The following IFI27 variants were observed in gnomAD, a reference collection of about 807,000 sequenced individuals.
IFI27 encodes interferon alpha-inducible protein 27, mitochondrial.
In IFI27, 3 loss-of-function variants were observed where a neutral mutation model predicts 8.9. The ratio of observed to expected loss-of-function variants is 0.34; its 90% CI spans 0.15 to 0.87. The LOEUF is 0.87. Among genes scored for constraint, IFI27 ranks in the 40% least tolerant of loss-of-function variants. The pLI, the probability that IFI27 is intolerant of heterozygous loss-of-function variation, is 0.51. For synonymous variants in IFI27, 66 were observed against 67.3 expected, an observed-to-expected ratio of 0.98 and a Z score of 0.09; for missense variants, 152 against 157.7, an observed-to-expected ratio of 0.96 and a Z score of 0.19.
chr14:94,114,965 G>A, intron 3 of IFI27, 85 bp downstream of exon 3: 1 of 1,280,662 alleles, frequency 7.8e-7, no homozygotes, highest in Non-Finnish European at 1.1e-6. Flanking sequence ...CCATGCCAAT[G>A]TTTCCCTCAC....
rs969910387 is a variant in IFI27, at chr14:94,115,501, C to T, written c.122-280C>T. The T allele has an allele frequency of 6.6e-5, 40 of 604,122 alleles. 1 individual carries two copies. Among genetic ancestry groups the T allele is most frequent in the Non-Finnish European group, 1.1e-4 (37 of 337,338 alleles). 37.4% of individuals were successfully genotyped at this position (604,122 alleles called of 1,614,324 possible). ...GTCCAGCATTTGGCCAAGGCAGACA[C>T]TGAGGCTCTGAGGACAAGTGGCTTT... On this transcript the variant is annotated intron_variant, in intron 3 of 4. Coordinates refer to ENST00000621160, the Ensembl canonical transcript of IFI27.
chr14:94,107,162 C>T (rs1055946740), upstream of IFI27, among the ~76,000 whole-genome samples: 3 of 152,044 alleles, frequency 2.0e-5, no homozygotes, highest in Admixed American at 6.6e-5. Context: ...CTCTGCCTCC[C>T]GGGTTCAAGC....
chr14:94,114,999 G>A, intron 3 of IFI27, 119 bp downstream of exon 3: 1 of 886,908 alleles, frequency 1.1e-6, no homozygotes, highest in Admixed American at 1.9e-5. Flanking sequence ...GGAGGAGGTG[G>A]GGATGAGGGG....
upstream of IFI27, among the ~76,000 whole-genome samples, chr14:94,110,122 GTGGCCTCCACC>G (rs1275143739): frequency 1.3e-5 from 2 of 152,238 alleles, no homozygotes; most frequent in African/African-American, 2.4e-5. Flanking sequence ...TGCCACTGCT[GTGGCCTCCACC>G]TGGAATGACT....
Position 94,116,455 on chromosome 14 carries a change from C to G in IFI27, c.297C>G (p.Leu99=), listed in dbSNP as rs1045113766. The change falls in exon 5 of 5, where the codon CTC becomes CTG. Residue 99 remains leucine, a synonymous_variant. Transcript: ENST00000621160. The surrounding 1 kb of genome is among the most constrained non-coding windows in gnomAD (Gnocchi z 4.3). ...GCTTCTTCCCAGGAGCAACTGGACT[C>G]TCCGGATTGACCAAGTTCATCCTGG... 1.9e-6 allele frequency: 3 copies of G among 1,612,574 alleles called. No individual in the cohort carries two copies. In the African/African-American group the frequency reaches 4.0e-5, roughly 22 times the overall value.
At chr14:94,115,266 T>G (rs997525587) in intron 3 of IFI27, 3 of 553,758 alleles carry the variant, frequency 5.4e-6, no homozygotes, top group Non-Finnish European at 1.0e-5. Context: ...CAATAGAGAT[T>G]GAACACAGTA....
chr14:94,108,671 C>T (rs117582757), upstream of IFI27, among the ~76,000 whole-genome samples: 1 of 151,966 alleles, frequency 6.6e-6, no homozygotes, highest in African/African-American at 2.4e-5. Context: ...ACCTGCTGGA[C>T]CCCTGAATAG....
upstream of IFI27, among the ~76,000 whole-genome samples, chr14:94,106,606 A>G (rs1887018554): frequency 6.6e-6 from 1 of 152,160 alleles, no homozygotes; most frequent in African/African-American, 2.4e-5. Context: ...CCATTTGTAT[A>G]TCATATTAGT....
At position 94,111,266 on chromosome 14, in the gene IFI27, G is replaced by T. The variant is rs960510254; in HGVS notation, c.-58-359G>T. On this transcript the variant is annotated intron_variant, in intron 1 of 4. Transcript: ENST00000621160. This position sits in a 1 kb window ranked among gnomAD's most constrained non-coding sequence, Gnocchi z 4.3. ...AGCAGGCACCTCGCCTGCTGTATAT[G>T]CCTTAAAAATGCGATTGGTTCTGAT... Among the ~76,000 whole-genome samples, 8 of 152,210 alleles carry T rather than the reference G, an allele frequency of 5.3e-5. No individual in the cohort carries two copies. Among genetic ancestry groups the T allele is most frequent in the Admixed American group, 3.3e-4 (5 of 15,286 alleles).
In IFI27 at chr14:94,111,860, A is replaced by G; in HGVS notation, c.91+87A>G. ...CCTGTCCCGGGACCCGTGGGAGAGAAAATGGGGGACACCCGCAGCCTTGCT... is the reference window on the plus strand; with the variant it reads ...CCTGTCCCGGGACCCGTGGGAGAGAGAATGGGGGACACCCGCAGCCTTGCT... On this transcript the variant is annotated intron_variant, in intron 2 of 4. Transcript: ENST00000621160. The surrounding 1 kb of genome is among the most constrained non-coding windows in gnomAD (Gnocchi z 4.3). 2 of 1,011,112 alleles carry G rather than the reference A, an allele frequency of 2.0e-6. No homozygotes were observed. Among genetic ancestry groups the G allele is most frequent in the Non-Finnish European group, 3.2e-6 (2 of 634,824 alleles). 62.6% of individuals were successfully genotyped at this position (1,011,112 alleles called of 1,614,324 possible).
At chr14:94,109,320 A>G (rs1206952310), upstream of IFI27, among the ~76,000 whole-genome samples, 7 of 106,194 alleles carry the variant, frequency 6.6e-5, no homozygotes, top group Admixed American at 1.1e-4. Flanking sequence ...AAGAAAGGAA[A>G]GGGAGGGGAG....
upstream of IFI27, among the ~76,000 whole-genome samples, chr14:94,107,902 A>G (rs1164246627): frequency 6.6e-6 from 1 of 152,236 alleles, no homozygotes; most frequent in African/African-American, 2.4e-5. Context: ...CAGGTTTGTT[A>G]CATAGGTATA....
intron 3 of IFI27, chr14:94,115,266 T>A (rs997525587): frequency 3.6e-6 from 2 of 553,758 alleles, no homozygotes; most frequent in Non-Finnish European, 6.9e-6. Flanking sequence ...CAATAGAGAT[T>A]GAACACAGTA....
Position 94,111,703 on chromosome 14 carries a change from C to T in IFI27, c.21C>T (p.Thr7=), listed in dbSNP as rs1887193440. Reference sequence around the variant, plus strand: ...CAGGCATGGAGGCCTCTGCTCTCACCTCATCAGCAGTGACCAGTGTGGCCA... The same window carrying T: ...CAGGCATGGAGGCCTCTGCTCTCACTTCATCAGCAGTGACCAGTGTGGCCA... Residue 7 remains threonine, a synonymous_variant, in exon 2 of 5, where the codon ACC becomes ACT. Coordinates refer to ENST00000621160, the Ensembl canonical transcript of IFI27. This position sits in a 1 kb window ranked among gnomAD's most constrained non-coding sequence, Gnocchi z 4.3. 6.2e-7 allele frequency: 1 copy of T among 1,614,170 alleles called. No homozygotes were observed. The highest frequency in any genetic ancestry group is 1.1e-5 in the South Asian group (1 of 91,084).
At position 94,116,518 on chromosome 14, in the gene IFI27, G is replaced by A. The variant is rs1372305297; in HGVS notation, c.360G>A (p.Arg120=). 3.7e-6 allele frequency: 6 copies of A among 1,612,584 alleles called. No homozygotes were observed. The highest frequency in any genetic ancestry group is 5.1e-6 in the Non-Finnish European group (6 of 1,179,286). ...CTGCCATTGCGGCTGTCATTGCGAG[G>A]TTCTACTAGCTCCCTGCCCCTCGCC... Residue 120 remains arginine (R), a synonymous_variant, in exon 5 of 5, where the codon AGG becomes AGA. Coordinates refer to ENST00000621160, the Ensembl canonical transcript of IFI27. The surrounding 1 kb of genome is among the most constrained non-coding windows in gnomAD (Gnocchi z 4.3).
chr14:94,110,949 C>T (rs573122011), intron 1 of IFI27, 152 bp downstream of exon 1: 9 of 154,480 alleles, frequency 5.8e-5, no homozygotes, highest in East Asian at 1.9e-4. Flanking sequence ...GGAAGGGACT[C>T]GAGCCCCACC....
intron 2 of IFI27, chr14:94,113,292 A>C (rs2139294604): frequency 6.6e-6 from 1 of 152,392 alleles, no homozygotes; most frequent in East Asian, 1.9e-4. Flanking sequence ...ACTCGAGGTC[A>C]GGAGTTTGAG....
upstream of IFI27, among the ~76,000 whole-genome samples, chr14:94,107,325 C>G (rs143291710): frequency 1.8e-4 from 27 of 152,332 alleles, no homozygotes; most frequent in East Asian, 4.6e-3. Context: ...CCTGCCTCGG[C>G]TTCCCAAAGT....
chr14:94,110,246 C>G (rs73336839), upstream of IFI27, among the ~76,000 whole-genome samples: 36,325 of 152,132 alleles, frequency 0.24, 4,697 homozygotes, highest in East Asian at 0.47. Flanking sequence ...GTTTAGTTTG[C>G]CCCCATTGCT....
Sources: allele counts gnomAD v4.1 joint callset (sites outside exome capture counted in the v4.1 genomes callset), GRCh38; gene constraint gnomAD v4.1.1; non-coding constraint Gnocchi (gnomAD v3.1); transcripts MANE v1.5; gene names NCBI Gene and HGNC (gene_info 2026-07-23, HGNC 2026-07-21).